The following AGO2 variants were observed in gnomAD, a reference collection of about 807,000 sequenced individuals.
The protein encoded by AGO2 is argonaute RISC catalytic component 2.
AGO2 carries 5 observed loss-of-function variants against 102.3 expected under a neutral mutation model. The observed-to-expected ratio is 0.05, with a 90% confidence interval of 0.03 to 0.10. The LOEUF (loss-of-function observed/expected upper bound fraction) is 0.10, where lower values mean the gene tolerates loss of function less well. Ranked by LOEUF, AGO2 falls within the 10% of genes least tolerant of loss-of-function variation. The pLI, the probability that AGO2 is intolerant of heterozygous loss-of-function variation, is 1.00. For synonymous variants in AGO2, 449 were observed against 473.1 expected (o/e 0.95, Z 0.66); for missense variants, 541 against 1,183.7 (o/e 0.46, Z 7.97).
intron 4 of AGO2, among the ~76,000 whole-genome samples, chr8:140,561,129 C>T (rs917348342): frequency 1.3e-4 from 20 of 152,370 alleles, no homozygotes; most frequent in African/African-American, 2.2e-4. Flanking sequence ...AGGGATGCTG[C>T]GCTGACCCGG....
At chr8:140,633,808 C>T (rs1223139052) in intron 1 of AGO2, among the ~76,000 whole-genome samples, 2 of 152,224 alleles carry the variant, frequency 1.3e-5, no homozygotes, top group African/African-American at 4.8e-5. Flanking sequence ...AGTTCTCAAC[C>T]TCTGTGAGCC....
At chr8:140,627,606 C>T (rs1563659014) in intron 1 of AGO2, among the ~76,000 whole-genome samples, 1 of 152,186 alleles carries the variant, frequency 6.6e-6, no homozygotes, top group Non-Finnish European at 1.5e-5. Flanking sequence ...CGCCTGGGCT[C>T]CTGAGTCTGG....
At chr8:140,586,594 C>T (rs1226476890) in intron 1 of AGO2, among the ~76,000 whole-genome samples, 1 of 152,212 alleles carries the variant, frequency 6.6e-6, no homozygotes, top group Non-Finnish European at 1.5e-5. Context: ...CGTCTGATGA[C>T]TTTTCATAAG....
chr8:140,595,946 T>TAAA (rs1208845346), intron 1 of AGO2, among the ~76,000 whole-genome samples: 22 of 57,718 alleles, frequency 3.8e-4, no homozygotes, highest in African/African-American at 1.2e-3. Flanking sequence ...ATAATATATA[T>TAAA]TTTATATATA....
At chr8:140,616,572 T>C (rs2074145227) in intron 1 of AGO2, among the ~76,000 whole-genome samples, 1 of 152,266 alleles carries the variant, frequency 6.6e-6, no homozygotes. Context: ...TTATGATACA[T>C]AATTTCATAT....
chr8:140,634,730 T>C (rs2074381689), intron 1 of AGO2, among the ~76,000 whole-genome samples: 1 of 152,168 alleles, frequency 6.6e-6, no homozygotes, highest in African/African-American at 2.4e-5. Context: ...AATTAGCACT[T>C]GAATGGGGAG....
intron 11 of AGO2, among the ~76,000 whole-genome samples, chr8:140,550,649 C>T (rs537986668): frequency 2.0e-5 from 3 of 152,266 alleles, no homozygotes; most frequent in South Asian, 4.1e-4. Flanking sequence ...TGGGGTCTTG[C>T]TTTTTCACCC....
chr8:140,608,416 A>G (rs1175804525), intron 1 of AGO2, among the ~76,000 whole-genome samples: 1 of 152,138 alleles, frequency 6.6e-6, no homozygotes, highest in Non-Finnish European at 1.5e-5. Flanking sequence ...TGTTTTCTCC[A>G]CAATTGTCCG....
At chr8:140,547,010 C>T (rs1429869835) in intron 13 of AGO2, among the ~76,000 whole-genome samples, 2 of 152,182 alleles carry the variant, frequency 1.3e-5, no homozygotes, top group African/African-American at 4.8e-5. Context: ...ATATCCTGTC[C>T]TGGCCTGGGA....
chr8:140,627,871 C>T (rs950906241), intron 1 of AGO2, among the ~76,000 whole-genome samples: 2 of 152,106 alleles, frequency 1.3e-5, no homozygotes, highest in African/African-American at 4.8e-5. Flanking sequence ...CTGTGGGACA[C>T]CCAACACGCG....
chr8:140,615,469 G>T (rs534034664), intron 1 of AGO2, among the ~76,000 whole-genome samples: 14 of 152,330 alleles, frequency 9.2e-5, no homozygotes, highest in African/African-American at 3.4e-4. Flanking sequence ...GTTCTCGCCC[G>T]GCACACAGCC....
intron 1 of AGO2, among the ~76,000 whole-genome samples, chr8:140,634,874 G>T (rs1326505447): frequency 6.6e-6 from 1 of 152,114 alleles, no homozygotes; most frequent in African/African-American, 2.4e-5. Flanking sequence ...CTTTCCTTGG[G>T]AAAAGGGGCC....
chr8:140,627,067 C>G (rs1343969785), intron 1 of AGO2, among the ~76,000 whole-genome samples: 1 of 152,166 alleles, frequency 6.6e-6, no homozygotes, highest in African/African-American at 2.4e-5. Flanking sequence ...GACTCAGACA[C>G]CCACCCCAAA....
chr8:140,543,210 A>AAC (rs1564076664), intron 14 of AGO2, among the ~76,000 whole-genome samples: 1 of 149,242 alleles, frequency 6.7e-6, no homozygotes, highest in Non-Finnish European at 1.5e-5. Context: ...ACAACAACAA[A>AAC]AAAACGACTC....
intron 1 of AGO2, among the ~76,000 whole-genome samples, chr8:140,607,367 A>G (rs1364089708): frequency 1.3e-5 from 2 of 151,230 alleles, no homozygotes; most frequent in African/African-American, 4.9e-5. Context: ...TTGAGGCTGT[A>G]GTGTGCTATG....
intron 3 of AGO2, chr8:140,572,109 A>G (rs1270528507): frequency 2.0e-5 from 3 of 152,184 alleles, no homozygotes; most frequent in Non-Finnish European, 4.4e-5. Flanking sequence ...GCAGCAGCAC[A>G]TTTGTTGAAA....
upstream of AGO2, among the ~76,000 whole-genome samples, chr8:140,640,623 G>A (rs1349350992): frequency 3.3e-5 from 5 of 152,002 alleles, no homozygotes; most frequent in African/African-American, 7.3e-5. Flanking sequence ...GGGTTCAAGC[G>A]ATTCTCCTAC....
intron 1 of AGO2, among the ~76,000 whole-genome samples, chr8:140,600,848 G>GGATT (rs1470485654): frequency 1.3e-5 from 2 of 151,308 alleles, no homozygotes; most frequent in African/African-American, 4.9e-5. Flanking sequence ...AGACCCCGTA[G>GGATT]GATTGACGGG....
At chr8:140,580,029 C>CTCCTCCT (rs370061897) in intron 2 of AGO2, among the ~76,000 whole-genome samples, 1 of 152,266 alleles carries the variant, frequency 6.6e-6, no homozygotes, top group Non-Finnish European at 1.5e-5. Flanking sequence ...CGCAGCCCAC[C>CTCCTCCT]CGTGCTTCTC....
Sources: gnomAD v4.1 joint callset for allele counts (sites outside exome capture counted in the v4.1 genomes callset) on GRCh38, gnomAD v4.1.1 for gene constraint, MANE v1.5 for transcripts, NCBI Gene and HGNC (gene_info 2026-07-23, HGNC 2026-07-21) for gene names.